Variants in CHL1 observed in about 807,000 individuals in gnomAD.
CHL1 encodes the protein cell adhesion molecule L1 like.
CHL1 carries 96 observed loss-of-function variants against 141.9 expected under a neutral mutation model. That is an observed-to-expected ratio of 0.68 (90% CI 0.57 to 0.80). CHL1 has a LOEUF of 0.80. Ranked by LOEUF, CHL1 falls within the 30% of genes least tolerant of loss-of-function variation. The pLI is 0.00. For missense variants in CHL1, 1,820 were observed against 1,457.2 expected (o/e 1.25, Z -4.05); for synonymous variants, 613 against 502.2 (o/e 1.22, Z -2.95).
intron 27 of CHL1, 49 bp from the exon 28 acceptor site, chr3:405,446 A>G (rs754901686): frequency 2.2e-5 from 26 of 1,203,844 alleles, no homozygotes; most frequent in African/African-American, 3.0e-5. Context: ...CTTTACATGA[A>G]TATTAATATT....
In CHL1 at chr3:264,380, G is replaced by GT. The variant is rs1051131247; in HGVS notation, c.-95+19696dup. ...AACTCAGTAGGAATAGGAGTATGTA[G>GT]TTTTTTTTAATAAACATATAACAGA... On this transcript the variant is annotated intron_variant, in intron 2 of 27. Coordinates refer to ENST00000256509, the MANE Select transcript of CHL1 (RefSeq NM_006614.4). Among the ~76,000 whole-genome samples, 16 of 151,940 alleles carry GT rather than the reference G, an allele frequency of 1.1e-4. No individual in the cohort carries two copies. The East Asian group carries it at 1.9e-3, about 18-fold the overall frequency.
chr3:266,874 G>A (rs1695202620), intron 2 of CHL1, among the ~76,000 whole-genome samples: 1 of 152,124 alleles, frequency 6.6e-6, no homozygotes, highest in Admixed American at 6.5e-5. Context: ...GTTAATAAGA[G>A]CTGGAGAGAT....
At chr3:241,420 G>A (rs1288089365) in intron 1 of CHL1, among the ~76,000 whole-genome samples, 1 of 152,174 alleles carries the variant, frequency 6.6e-6, no homozygotes, top group African/African-American at 2.4e-5. Flanking sequence ...GTCACAACAT[G>A]CTCATATTCA....
At position 199,067 on chromosome 3, in the gene CHL1, G is replaced by A. The variant is rs568634302; in HGVS notation, c.-175+2004G>A. 8.5e-5 allele frequency among the ~76,000 whole-genome samples: 13 copies of A among 152,310 alleles called. No homozygotes were observed. In the South Asian group the frequency reaches 2.7e-3, roughly 32 times the overall value. ...TGCAGTTGGGTTTGTCTTAATTTCAGTCTCTTTGTGAGGGACCACCATTTG... is the reference window on the plus strand; with the variant it reads ...TGCAGTTGGGTTTGTCTTAATTTCAATCTCTTTGTGAGGGACCACCATTTG... On this transcript the variant is annotated intron_variant, in intron 1 of 27. Transcript: ENST00000256509.
chr3:313,517 G>A (rs188607500), intron 2 of CHL1, among the ~76,000 whole-genome samples: 9 of 152,136 alleles, frequency 5.9e-5, no homozygotes, highest in Admixed American at 5.2e-4. Context: ...GAGAACCATA[G>A]TGCCAAAGGT....
At chr3:378,625 A>G (rs1227216183) in intron 16 of CHL1, among the ~76,000 whole-genome samples, 2 of 152,168 alleles carry the variant, frequency 1.3e-5, no homozygotes, top group Non-Finnish European at 2.9e-5. Context: ...TTTAAGGACA[A>G]CATCAGCAAA....
Position 382,578 on chromosome 3 carries a change from T to C in CHL1, c.2083T>C (p.Phe695Leu). 6.2e-7 allele frequency: 1 copy of C among 1,613,968 alleles called. No individual in the cohort carries two copies. Among genetic ancestry groups the C allele is most frequent in the Non-Finnish European group, 8.5e-7 (1 of 1,179,892 alleles). ...CACAGTTATCTTACCTTTGGCTCCA[T>C]TTGTGAGATACCAGTTCAGGGTCAT... ...KTTVILPLAP[F>L]VRYQFRVIAV... Residue 695 changes from phenylalanine (F) to leucine (L), a missense_variant, in exon 18 of 28, where the codon TTT (phenylalanine) becomes CTT (leucine). Phe to Leu is a conservative substitution (Grantham distance 22). Coordinates refer to ENST00000256509, the MANE Select transcript of CHL1 (RefSeq NM_006614.4).
rs144507093 is a variant in CHL1, at chr3:271,965, A to C, written c.-95+27273A>C. Among the ~76,000 whole-genome samples the C allele has an allele frequency of 4.1e-3, 629 of 152,354 alleles. 11 individuals are homozygous for C. The highest frequency in any genetic ancestry group is 0.023 in the South Asian group (110 of 4,830). ...GCTATTAAAAATCACATTGTGATAA[A>C]ATACTCTTTTGATAGGTGCTGACTG... On this transcript the variant is annotated intron_variant, in intron 2 of 27. Transcript: ENST00000256509.
intron 3 of CHL1, among the ~76,000 whole-genome samples, chr3:324,356 T>G (rs162416): frequency 0.45 from 68,275 of 151,938 alleles, 19,648 homozygotes; most frequent in African/African-American, 0.83. Context: ...GAAACAGTTT[T>G]CATTTCCTTG....
chr3:362,384 G>A (rs530028985), intron 13 of CHL1, among the ~76,000 whole-genome samples: 5 of 152,066 alleles, frequency 3.3e-5, no homozygotes, highest in Non-Finnish European at 7.4e-5. Flanking sequence ...GTGACCCCAG[G>A]TCATAAATTT....
At chr3:197,861 T>G (rs1255936097) in intron 1 of CHL1, 2 of 419,186 alleles carry the variant, frequency 4.8e-6, no homozygotes, top group African/African-American at 4.5e-5. Context: ...TGTGCCTCTC[T>G]CTTTCTCTCG....
intron 2 of CHL1, among the ~76,000 whole-genome samples, chr3:280,212 A>AT (rs201114993): frequency 0.029 from 4,268 of 145,750 alleles, 181 homozygotes; most frequent in African/African-American, 0.091. Context: ...GAGTCTAGGC[A>AT]TTTTTTTTTT....
intron 1 of CHL1, among the ~76,000 whole-genome samples, chr3:228,101 C>T (rs1334242548): frequency 6.6e-6 from 1 of 152,074 alleles, no homozygotes; most frequent in East Asian, 1.9e-4. Flanking sequence ...TACAACAAGA[C>T]CATAGCTGGA....
chr3:338,567 G>A (rs1702117316), intron 5 of CHL1, among the ~76,000 whole-genome samples: 1 of 152,066 alleles, frequency 6.6e-6, no homozygotes, highest in Non-Finnish European at 1.5e-5. Flanking sequence ...TCACTAAATA[G>A]TTTCAGAGTC....
intron 15 of CHL1, 87 bp from the exon 16 acceptor site, chr3:377,731 A>G: frequency 2.6e-6 from 3 of 1,169,082 alleles, no homozygotes; most frequent in Non-Finnish European, 3.6e-6. Flanking sequence ...ATTGTTTTCG[A>G]TAAGGAATAT....
At chr3:306,752 G>C (rs1246242527) in intron 2 of CHL1, among the ~76,000 whole-genome samples, 1 of 152,038 alleles carries the variant, frequency 6.6e-6, no homozygotes, top group Non-Finnish European at 1.5e-5. Flanking sequence ...AAAATCAAAG[G>C]TGAGATATCC....
intron 5 of CHL1, among the ~76,000 whole-genome samples, chr3:333,641 A>G (rs1701636362): frequency 6.6e-6 from 1 of 152,116 alleles, no homozygotes; most frequent in Non-Finnish European, 1.5e-5. Context: ...TCTTCCTGAA[A>G]CTCCCATAAT....
At chr3:217,380 C>A (rs960620061) in intron 1 of CHL1, among the ~76,000 whole-genome samples, 1 of 152,116 alleles carries the variant, frequency 6.6e-6, no homozygotes, top group African/African-American at 2.4e-5. Context: ...GTGAGGAAGA[C>A]AGATTTCCTG....
chr3:231,739 G>A (rs1386001369), intron 1 of CHL1, among the ~76,000 whole-genome samples: 1 of 151,762 alleles, frequency 6.6e-6, no homozygotes, highest in Non-Finnish European at 1.5e-5. Context: ...ACCATGCCTG[G>A]CTAATTTTTG....
Sources: allele counts gnomAD v4.1 joint callset (sites outside exome capture counted in the v4.1 genomes callset), GRCh38; gene constraint gnomAD v4.1.1; transcripts MANE v1.5; gene names NCBI Gene and HGNC (gene_info 2026-07-23, HGNC 2026-07-21).